MRTFA: variants seen among roughly 807,000 people sequenced by gnomAD.
MRTFA encodes myocardin-related transcription factor A.
In MRTFA, 20 loss-of-function variants were observed where a neutral mutation model predicts 83.5. The ratio of observed to expected loss-of-function variants is 0.24; its 90% CI spans 0.17 to 0.35. MRTFA has a LOEUF of 0.35. Among genes scored for constraint, MRTFA ranks in the 10% least tolerant of loss-of-function variants. The pLI, the probability that MRTFA is intolerant of heterozygous loss-of-function variation, is 1.00. For synonymous variants in MRTFA, 659 were observed against 541.2 expected (o/e 1.22, Z -3.02); for missense variants, 1,200 against 1,224.7 (o/e 0.98, Z 0.30).
At chr22:40,618,988 T>TAA (rs1185963718) in intron 1 of MRTFA, among the ~76,000 whole-genome samples, 4 of 145,542 alleles carry the variant, frequency 2.7e-5, no homozygotes, top group African/African-American at 9.8e-5. Flanking sequence ...TAATAATAAT[T>TAA]AAAAATATAT....
chr22:40,599,087 T>C (rs1444281006), intron 1 of MRTFA, among the ~76,000 whole-genome samples: 1 of 150,902 alleles, frequency 6.6e-6, no homozygotes, highest in Non-Finnish European at 1.5e-5. Flanking sequence ...CACCTGAGGT[T>C]GGGAGTTCGA....
chr22:40,536,194 T>G (rs1050156636), intron 3 of MRTFA, among the ~76,000 whole-genome samples: 1 of 151,100 alleles, frequency 6.6e-6, no homozygotes. Flanking sequence ...TCCCAGCTAC[T>G]TGGGAGGTTG....
chr22:40,516,303 G>A (rs1325638340), intron 3 of MRTFA, among the ~76,000 whole-genome samples: 1 of 151,436 alleles, frequency 6.6e-6, no homozygotes, highest in Non-Finnish European at 1.5e-5. Flanking sequence ...CCTTGTAGTC[G>A]CAGCTACTTG....
chr22:40,607,756 C>A (rs1053070177), intron 1 of MRTFA, among the ~76,000 whole-genome samples: 2 of 152,174 alleles, frequency 1.3e-5, no homozygotes, highest in African/African-American at 4.8e-5. Context: ...CATAGCCTGG[C>A]ACATTACATC....
intron 3 of MRTFA, among the ~76,000 whole-genome samples, chr22:40,485,142 C>T (rs1786024318): frequency 1.3e-5 from 2 of 152,120 alleles, no homozygotes; most frequent in African/African-American, 4.8e-5. Context: ...CCTCAATTTT[C>T]TAGCATAATT....
chr22:40,534,537 C>G (rs975397122), intron 3 of MRTFA, among the ~76,000 whole-genome samples: 2 of 152,170 alleles, frequency 1.3e-5, no homozygotes, highest in African/African-American at 2.4e-5. Context: ...TTACTGCAAC[C>G]TCGACCTTCC....
intron 1 of MRTFA, among the ~76,000 whole-genome samples, chr22:40,611,318 C>G (rs1229284698): frequency 1.3e-5 from 2 of 152,044 alleles, no homozygotes; most frequent in African/African-American, 4.8e-5. Flanking sequence ...CTCACTGCAG[C>G]CTTGACTTCC....
At chr22:40,578,111 G>A (rs1011015257) in intron 2 of MRTFA, among the ~76,000 whole-genome samples, 16 of 151,870 alleles carry the variant, frequency 1.1e-4, no homozygotes, top group African/African-American at 3.6e-4. Flanking sequence ...GTGCCACCAT[G>A]CCTGGCTAAT....
chr22:40,525,800 T>C (rs2054960259), intron 3 of MRTFA, among the ~76,000 whole-genome samples: 1 of 152,018 alleles, frequency 6.6e-6, no homozygotes, highest in African/African-American at 2.4e-5. Flanking sequence ...TCAACAATTA[T>C]TAAGTGCTTA....
At position 40,411,263 on chromosome 22, in the gene MRTFA, G is replaced by C. The variant is rs748685126; in HGVS notation, c.*127C>G. ...TTCTCTGTTCTAGCCTCCCAGGGAA[G>C]GGAAAAAGCAGGGGCTGTGATTGTC... On this transcript the variant is annotated 3_prime_UTR_variant, in exon 15 of 15. Coordinates refer to ENST00000355630, the MANE Select transcript of MRTFA (RefSeq NM_020831.6). 1 of 1,061,640 alleles carries C rather than the reference G, an allele frequency of 9.4e-7. No homozygotes were observed. The highest frequency in any genetic ancestry group is 1.3e-6 in the Non-Finnish European group (1 of 751,278). 65.8% of individuals were successfully genotyped at this position (1,061,640 alleles called of 1,614,324 possible). A position where few individuals can be genotyped will look rare whatever the true frequency, so the allele number is the denominator to read the frequency against.
At chr22:40,449,443 G>A (rs759224658) in intron 4 of MRTFA, among the ~76,000 whole-genome samples, 4 of 151,992 alleles carry the variant, frequency 2.6e-5, no homozygotes, top group Non-Finnish European at 5.9e-5. Context: ...CACAGCCCAG[G>A]GTTTCTCCAA....
intron 2 of MRTFA, among the ~76,000 whole-genome samples, chr22:40,588,730 C>T (rs909037279): frequency 6.6e-6 from 1 of 152,088 alleles, no homozygotes; most frequent in Non-Finnish European, 1.5e-5. Context: ...ACCTATAATC[C>T]CAATGCTTTG....
intron 3 of MRTFA, among the ~76,000 whole-genome samples, chr22:40,493,492 C>T (rs1297987757): frequency 1.3e-5 from 2 of 152,126 alleles, no homozygotes; most frequent in Non-Finnish European, 2.9e-5. Flanking sequence ...GCTCGTCCAT[C>T]CCTTGCACTG....
chr22:40,610,252 T>G (rs780386339), intron 1 of MRTFA, among the ~76,000 whole-genome samples: 3 of 152,078 alleles, frequency 2.0e-5, no homozygotes, highest in African/African-American at 7.2e-5. Flanking sequence ...TTCACCATGT[T>G]GGGCAGGCTG....
intron 3 of MRTFA, among the ~76,000 whole-genome samples, chr22:40,477,932 G>A (rs2054025513): frequency 6.6e-6 from 1 of 152,086 alleles, no homozygotes; most frequent in Non-Finnish European, 1.5e-5. Context: ...TAATTATAAA[G>A]AGCAAGCTTC....
chr22:40,628,027 G>A (rs1035205108), intron 1 of MRTFA, among the ~76,000 whole-genome samples: 2 of 152,142 alleles, frequency 1.3e-5, no homozygotes, highest in African/African-American at 2.4e-5. Flanking sequence ...AGTTCCTCTA[G>A]AAGCTTCTCT....
chr22:40,444,742 T>G (rs1034249183), intron 4 of MRTFA, among the ~76,000 whole-genome samples: 1 of 149,996 alleles, frequency 6.7e-6, no homozygotes. Context: ...GGCAGGGGAG[T>G]TGCTTCTGAC....
chr22:40,618,873 G>A (rs1297213903), intron 1 of MRTFA, among the ~76,000 whole-genome samples: 3 of 151,728 alleles, frequency 2.0e-5, no homozygotes, highest in East Asian at 3.9e-4. Flanking sequence ...TGGGGTGGGA[G>A]AATCTCGAAC....
chr22:40,586,270 A>C (rs1027740277), intron 2 of MRTFA, among the ~76,000 whole-genome samples: 1 of 151,924 alleles, frequency 6.6e-6, no homozygotes, highest in African/African-American at 2.4e-5. Context: ...GCTCTTCAAA[A>C]AAAAAAAAAA....
Sources: allele counts gnomAD v4.1 joint callset (sites outside exome capture counted in the v4.1 genomes callset), GRCh38; gene constraint gnomAD v4.1.1; transcripts MANE v1.5; gene names NCBI Gene and HGNC (gene_info 2026-07-23, HGNC 2026-07-21).